The following C7orf78 variants were observed in gnomAD, a reference collection of about 807,000 sequenced individuals.
C7orf78 encodes putative uncharacterized protein C7orf78.
the C7orf78 span, among the ~76,000 whole-genome samples, chr7:12,489,880 T>A: frequency 2.6e-5 from 4 of 152,122 alleles, no homozygotes; most frequent in African/African-American, 9.7e-5. Context: ...GGCATCGACA[T>A]TTGCTTTCAA....
chr7:12,518,856 A>C, the C7orf78 span, among the ~76,000 whole-genome samples: 1 of 152,088 alleles, frequency 6.6e-6, no homozygotes, highest in African/African-American at 2.4e-5. Flanking sequence ...GTAGGTTGCT[A>C]TCAGCAGTCT....
At chr7:12,521,694 C>A in the C7orf78 span, among the ~76,000 whole-genome samples, 1 of 148,852 alleles carries the variant, frequency 6.7e-6, no homozygotes, top group South Asian at 2.1e-4. Context: ...TGAGGCCACC[C>A]TCCATACTGC....
the C7orf78 span, among the ~76,000 whole-genome samples, chr7:12,508,027 C>T: frequency 0.018 from 2,802 of 152,294 alleles, 82 homozygotes; most frequent in African/African-American, 0.064. Flanking sequence ...CTACATCATG[C>T]TACGTTCTCC....
the C7orf78 span, among the ~76,000 whole-genome samples, chr7:12,499,101 G>C: frequency 1.3e-5 from 2 of 152,178 alleles, no homozygotes; most frequent in East Asian, 3.9e-4. Flanking sequence ...ACATGGAAAG[G>C]AACAACCGGT....
At chr7:12,491,740 A>T in the C7orf78 span, 5 of 152,224 alleles carry the variant, frequency 3.3e-5, no homozygotes, top group Non-Finnish European at 7.3e-5. Flanking sequence ...TGCAACATGG[A>T]TCTCATGGCT....
At chr7:12,536,077 T>C in the C7orf78 span, among the ~76,000 whole-genome samples, 1 of 152,208 alleles carries the variant, frequency 6.6e-6, no homozygotes, top group Non-Finnish European at 1.5e-5. Flanking sequence ...AGCCCTCTTT[T>C]CACAGCTCCA....
the C7orf78 span, among the ~76,000 whole-genome samples, chr7:12,534,540 A>C: frequency 6.6e-6 from 1 of 152,192 alleles, no homozygotes; most frequent in Non-Finnish European, 1.5e-5. Context: ...AGGAGAGTGA[A>C]AAGGCAGACA....
chr7:12,519,784 G>T, the C7orf78 span, among the ~76,000 whole-genome samples: 5 of 152,184 alleles, frequency 3.3e-5, no homozygotes, highest in Non-Finnish European at 5.9e-5. Context: ...CTCAGCCAAT[G>T]CTGTGCCTCC....
chr7:12,488,081 G>A, the C7orf78 span, among the ~76,000 whole-genome samples: 1 of 151,918 alleles, frequency 6.6e-6, no homozygotes, highest in East Asian at 1.9e-4. Flanking sequence ...CCATTTAGAA[G>A]AATACATATT....
the C7orf78 span, chr7:12,491,350 A>G: frequency 1.3e-5 from 2 of 152,248 alleles, no homozygotes; most frequent in Non-Finnish European, 2.9e-5. Context: ...TGGTGCAGCA[A>G]TGATGTTCCT....
the C7orf78 span, among the ~76,000 whole-genome samples, chr7:12,508,721 C>T: frequency 6.6e-6 from 1 of 152,194 alleles, no homozygotes; most frequent in African/African-American, 2.4e-5. Context: ...AAAGCTTCAC[C>T]TGTATTTACA....
the C7orf78 span, among the ~76,000 whole-genome samples, chr7:12,535,256 C>T: frequency 5.4e-4 from 82 of 152,170 alleles, no homozygotes; most frequent in Non-Finnish European, 1.0e-3. Context: ...GTTTATTGGA[C>T]TTACAGTTCC....
chr7:12,505,463 A>G, the C7orf78 span, among the ~76,000 whole-genome samples: 11 of 152,144 alleles, frequency 7.2e-5, no homozygotes, highest in African/African-American at 2.4e-4. Flanking sequence ...TCAGAAAAAG[A>G]AAACATAAAT....
At chr7:12,504,447 CA>C in the C7orf78 span, 1 of 152,122 alleles carries the variant, frequency 6.6e-6, no homozygotes, top group African/African-American at 2.4e-5. Context: ...TTTTGTAAAG[CA>C]AAGGATAATG....
At chr7:12,521,644 C>CTTTTTTTT in the C7orf78 span, among the ~76,000 whole-genome samples, 1 of 124,772 alleles carries the variant, frequency 8.0e-6, no homozygotes, top group African/African-American at 3.0e-5. Flanking sequence ...TGGGTTTGGG[C>CTTTTTTTT]TTTTTTTTTT....
At chr7:12,493,991 G>T in the C7orf78 span, among the ~76,000 whole-genome samples, 1 of 152,164 alleles carries the variant, frequency 6.6e-6, no homozygotes, top group Non-Finnish European at 1.5e-5. Context: ...GTCTACTTCA[G>T]TTTAGAATGG....
At chr7:12,490,706 T>C in the C7orf78 span, among the ~76,000 whole-genome samples, 1 of 151,868 alleles carries the variant, frequency 6.6e-6, no homozygotes. Context: ...CATTTAGCAT[T>C]AGGAAAAAAT....
At chr7:12,534,505 C>A in the C7orf78 span, among the ~76,000 whole-genome samples, 1 of 152,050 alleles carries the variant, frequency 6.6e-6, no homozygotes, top group African/African-American at 2.4e-5. Context: ...ATTAAAACTA[C>A]AAACTTCTGT....
At chr7:12,520,035 C>T in the C7orf78 span, among the ~76,000 whole-genome samples, 1 of 152,226 alleles carries the variant, frequency 6.6e-6, no homozygotes, top group African/African-American at 2.4e-5. Flanking sequence ...AATGTGGGTA[C>T]AGGAGCTCTC....
Sources: allele counts gnomAD v4.1 joint callset (sites outside exome capture counted in the v4.1 genomes callset), GRCh38; gene constraint gnomAD v4.1.1; transcripts MANE v1.5; gene names NCBI Gene and HGNC (gene_info 2026-07-23, HGNC 2026-07-21).